The following ENTPD5 variants were observed in gnomAD, a reference collection of about 807,000 sequenced individuals.
The protein encoded by ENTPD5 is nucleoside diphosphate phosphatase ENTPD5.
ENTPD5 carries 49 observed loss-of-function variants against 60.2 expected under a neutral mutation model. That is an observed-to-expected ratio of 0.81 (90% CI 0.65 to 1.03). ENTPD5 has a LOEUF of 1.03. ENTPD5 is among the 50% of genes least tolerant of loss of function. The probability of loss-of-function intolerance (pLI) is 0.00; values close to 1 mark genes in which losing one functional copy is unlikely to be tolerated. For synonymous variants in ENTPD5, 187 were observed against 185.4 expected (o/e 1.01, Z -0.07); for missense variants, 480 against 507.6 (o/e 0.95, Z 0.52).
At chr14:74,008,379 A>ATTTTTTC (rs962421358) in intron 3 of ENTPD5, among the ~76,000 whole-genome samples, 1 of 149,834 alleles carries the variant, frequency 6.7e-6, no homozygotes, top group Non-Finnish European at 1.5e-5. Context: ...TTTATTATTT[A>ATTTTTTC]TTTTTTCTTT....
At chr14:73,973,243 A>G (rs1392080821) in intron 12 of ENTPD5, among the ~76,000 whole-genome samples, 1 of 152,196 alleles carries the variant, frequency 6.6e-6, no homozygotes, top group Non-Finnish European at 1.5e-5. Flanking sequence ...CCTAATCTGT[A>G]TTCACCAGAT....
At chr14:73,970,941 T>C (rs2057196899) in intron 14 of ENTPD5, among the ~76,000 whole-genome samples, 1 of 151,718 alleles carries the variant, frequency 6.6e-6, no homozygotes, top group South Asian at 2.1e-4. Flanking sequence ...TCCTCCTGCC[T>C]CAGCCTCCCA....
intron 3 of ENTPD5, among the ~76,000 whole-genome samples, chr14:74,000,087 C>CA (rs34536315): frequency 0.051 from 3,834 of 75,730 alleles, 217 homozygotes; most frequent in African/African-American, 0.18. Context: ...GACTCCATCT[C>CA]AAAAAAAAAA....
At chr14:73,997,598 A>G (rs1397650416) in intron 3 of ENTPD5, among the ~76,000 whole-genome samples, 1 of 152,196 alleles carries the variant, frequency 6.6e-6, no homozygotes, top group Non-Finnish European at 1.5e-5. Context: ...TAGTTAAACC[A>G]CCCAGTGCAT....
At chr14:74,018,902 G>GA (rs1358417232) in intron 1 of ENTPD5, 2 of 152,626 alleles carry the variant, frequency 1.3e-5, no homozygotes, top group African/African-American at 2.4e-5. Context: ...GAAAAGCCAG[G>GA]AAAGAGATGC....
At chr14:73,992,884 T>A (rs1374552836) in intron 3 of ENTPD5, among the ~76,000 whole-genome samples, 1 of 150,542 alleles carries the variant, frequency 6.6e-6, no homozygotes, top group East Asian at 2.0e-4. Context: ...AGGCCTGTAG[T>A]CCTAGCTACT....
downstream of ENTPD5, chr14:73,962,741 T>G: frequency 1.8e-6 from 1 of 553,290 alleles, no homozygotes; most frequent in Non-Finnish European, 3.2e-6. Flanking sequence ...TGCTTGAGCC[T>G]AGGAGTTTGA....
chr14:73,962,898 T>C, downstream of ENTPD5: 2 of 1,283,906 alleles, frequency 1.6e-6, no homozygotes, highest in African/African-American at 1.5e-5. Context: ...ACCTACGTGA[T>C]TATTATCTAC....
chr14:73,963,167 A>G, downstream of ENTPD5: 1 of 711,508 alleles, frequency 1.4e-6, no homozygotes, highest in South Asian at 1.6e-5. Flanking sequence ...ATGAATGATA[A>G]TTTGCTGTGA....
intron 6 of ENTPD5, among the ~76,000 whole-genome samples, chr14:73,980,784 T>C (rs2057654230): frequency 1.3e-5 from 2 of 152,222 alleles, no homozygotes; most frequent in Non-Finnish European, 2.9e-5. Flanking sequence ...GCATAACAAA[T>C]ATATACAATA....
At chr14:74,016,463 C>A (rs2059020652) in intron 1 of ENTPD5, among the ~76,000 whole-genome samples, 1 of 152,084 alleles carries the variant, frequency 6.6e-6, no homozygotes, top group Admixed American at 6.5e-5. Flanking sequence ...ATGGCAAAAC[C>A]CTGTCTCTAC....
In ENTPD5 at chr14:73,971,904, A is replaced by G; in HGVS notation, c.1032T>C (p.Tyr344=). The G allele has an allele frequency of 6.4e-7, 1 of 1,571,668 alleles. No individual in the cohort carries two copies. Among genetic ancestry groups the G allele is most frequent in the Non-Finnish European group, 8.8e-7 (1 of 1,141,386 alleles). Residue 344 remains tyrosine, a synonymous_variant, in exon 14 of 16, where the codon TAT becomes TAC. Transcript: ENST00000334696. ...DRAVDTDMID[Y]EKGGILKVED... is the part of the protein sequence containing the mutation. Reference sequence around the variant, plus strand: ...CAACTTTTAAAATACCCCCCTTTTCATAATCTGAAATAAAACAGAAGATTA... The same window carrying G: ...CAACTTTTAAAATACCCCCCTTTTCGTAATCTGAAATAAAACAGAAGATTA...
At chr14:74,006,409 G>A (rs183824843) in intron 3 of ENTPD5, among the ~76,000 whole-genome samples, 109 of 150,066 alleles carry the variant, frequency 7.3e-4, no homozygotes, top group African/African-American at 1.9e-3. Context: ...TCAGCCTCCC[G>A]AGTAGCTGGG....
chr14:73,959,083 G>C (rs1281472418), downstream of ENTPD5: 1 of 1,614,064 alleles, frequency 6.2e-7, no homozygotes, highest in African/African-American at 1.3e-5. Flanking sequence ...TCAGAGGTAA[G>C]ATCCTGAGCT....
At chr14:73,983,346 G>A (rs1306705734) in intron 5 of ENTPD5, among the ~76,000 whole-genome samples, 185 bp from the exon 6 acceptor site, 6 of 152,090 alleles carry the variant, frequency 3.9e-5, no homozygotes, top group African/African-American at 7.2e-5. Context: ...CAGGCCAGGC[G>A]CAGTGGTGTC....
chr14:73,959,842 T>G, downstream of ENTPD5: 1 of 1,303,002 alleles, frequency 7.7e-7, no homozygotes, highest in Non-Finnish European at 9.8e-7. Flanking sequence ...AGTGCTGGGA[T>G]TACAGGCGTG....
At chr14:74,000,597 A>T (rs2058477915) in intron 3 of ENTPD5, among the ~76,000 whole-genome samples, 1 of 152,024 alleles carries the variant, frequency 6.6e-6, no homozygotes, top group Admixed American at 6.6e-5. Context: ...CCTGGCCAAT[A>T]TGGTGAAACC....
chr14:73,983,219 T>C, intron 5 of ENTPD5, 58 bp from the exon 6 acceptor site: 1 of 1,537,534 alleles, frequency 6.5e-7, no homozygotes, highest in Non-Finnish European at 8.8e-7. Flanking sequence ...CTGGCACTGG[T>C]CTATTCTGTC....
chr14:73,977,886 AG>A, intron 6 of ENTPD5, among the ~76,000 whole-genome samples: 1 of 152,332 alleles, frequency 6.6e-6, no homozygotes, highest in East Asian at 1.9e-4. Context: ...CTCCAGATCT[AG>A]ACTTAAGGAA....
Sources: gnomAD v4.1 joint callset for allele counts (sites outside exome capture counted in the v4.1 genomes callset) on GRCh38, gnomAD v4.1.1 for gene constraint, MANE v1.5 for transcripts, NCBI Gene and HGNC (gene_info 2026-07-23, HGNC 2026-07-21) for gene names.